PTP4A2: variants seen among roughly 807,000 people sequenced by gnomAD.
PTP4A2 encodes protein tyrosine phosphatase type IVA 2.
A neutral mutation model predicts 22.9 loss-of-function variants in PTP4A2; 2 were observed. That is an observed-to-expected ratio of 0.09 (90% CI 0.04 to 0.27). The LOEUF (loss-of-function observed/expected upper bound fraction) is 0.27. PTP4A2 is among the 10% of genes least tolerant of loss of function. The pLI, the probability that PTP4A2 is intolerant of heterozygous loss-of-function variation, is 1.00. For missense variants in PTP4A2, 103 were observed against 205.1 expected, an observed-to-expected ratio of 0.50 and a Z score of 3.04; for synonymous variants, 68 against 69.1, an observed-to-expected ratio of 0.98 and a Z score of 0.08.
chr1:31,915,758 T>G, intron 3 of PTP4A2, 137 bp downstream of exon 3: 1 of 607,660 alleles, frequency 1.6e-6, no homozygotes, highest in Non-Finnish European at 2.9e-6. Context: ...CAGGCTGGTC[T>G]TGAACTCCTG....
intron 1 of PTP4A2, among the ~76,000 whole-genome samples, chr1:31,922,205 C>T (rs190493550): frequency 3.9e-5 from 6 of 152,196 alleles, no homozygotes; most frequent in Admixed American, 3.3e-4. Context: ...AAAAAGTTGG[C>T]CGGGCGTGAT....
intron 2 of PTP4A2, among the ~76,000 whole-genome samples, chr1:31,916,524 C>T (rs535516556): frequency 1.0e-3 from 155 of 152,088 alleles, no homozygotes; most frequent in African/African-American, 3.6e-3. Flanking sequence ...GGTAGCATAA[C>T]GTGAAAACTT....
intron 5 of PTP4A2, among the ~76,000 whole-genome samples, chr1:31,909,614 G>A (rs146646895): frequency 0.052 from 7,908 of 151,698 alleles, 703 homozygotes; most frequent in African/African-American, 0.18. Context: ...AGAGGTTGCA[G>A]TGAGCCGAGA....
At chr1:31,926,180 T>G (rs959750289) in intron 1 of PTP4A2, among the ~76,000 whole-genome samples, 3 of 148,218 alleles carry the variant, frequency 2.0e-5, no homozygotes, top group Non-Finnish European at 4.5e-5. Context: ...TTATCTCTCC[T>G]ATCAATCCAC....
intron 1 of PTP4A2, among the ~76,000 whole-genome samples, chr1:31,925,759 C>CAA (rs67546696): frequency 8.1e-5 from 11 of 136,026 alleles, no homozygotes; most frequent in African/African-American, 2.1e-4. Context: ...GACTCCATCT[C>CAA]AAAAAAAAAA....
intron 1 of PTP4A2, among the ~76,000 whole-genome samples, chr1:31,927,289 G>A (rs537591673): frequency 1.3e-5 from 2 of 152,266 alleles, no homozygotes; most frequent in South Asian, 2.1e-4. Flanking sequence ...ACTTATAAGT[G>A]GGAGCTAAAC....
intron 1 of PTP4A2, among the ~76,000 whole-genome samples, chr1:31,931,331 A>G (rs976792394): frequency 6.6e-6 from 1 of 152,232 alleles, no homozygotes. Context: ...GTGACTTGAG[A>G]AAGGTGCTTA....
chr1:31,909,037 C>G, intron 5 of PTP4A2, 77 bp from the exon 6 acceptor site: 1 of 1,037,448 alleles, frequency 9.6e-7, no homozygotes, highest in Non-Finnish European at 1.5e-6. Context: ...TATTTACATC[C>G]TAAAGCCTTT....
intron 3 of PTP4A2, chr1:31,914,522 T>C (rs1651724457): frequency 3.6e-6 from 1 of 278,566 alleles, no homozygotes; most frequent in Non-Finnish European, 7.3e-6. Flanking sequence ...ACCAATATAA[T>C]AAAGACTACA....
At chr1:31,935,283 C>T (rs1652886291) in intron 1 of PTP4A2, among the ~76,000 whole-genome samples, 1 of 152,132 alleles carries the variant, frequency 6.6e-6, no homozygotes, top group Admixed American at 6.6e-5. Context: ...AAGCACACAC[C>T]CCGGGGCCCC....
At position 31,914,872 on chromosome 1, in the gene PTP4A2, A is replaced by G. The variant is rs183060371; in HGVS notation, c.189+1023T>C. Among the ~76,000 whole-genome samples, 333 of 152,358 alleles carry G rather than the reference A, an allele frequency of 2.2e-3. 1 individual carries two copies. The South Asian group carries it at 0.023, about 11-fold the overall frequency. On this transcript the variant is annotated intron_variant, in intron 3 of 5. Transcript: ENST00000647444. ...TTTGTGCTCAAATTGAGCTAGACAA[A>G]AAATCTAATCATACTAAAGCTCCTC... is the stretch of plus-strand genomic sequence containing the variant.
Position 31,906,786 on chromosome 1 carries a change from A to ACACC in PTP4A2, c.*2065_*2066insGGTG, listed in dbSNP as rs1449697376. ...CACACACACACACACACACACACAC[A>ACACC]CCCCCTCCCCCCAAACAACAAAATT... On this transcript the variant is annotated 3_prime_UTR_variant, in exon 6 of 6. Transcript: ENST00000647444. 133 of 82,902 alleles carry ACACC rather than the reference A, an allele frequency of 1.6e-3. 1 individual carries two copies. The highest frequency in any genetic ancestry group is 5.0e-3 in the African/African-American group (115 of 22,880). 5.1% of individuals were successfully genotyped at this position (82,902 alleles called of 1,614,324 possible). A position where few individuals can be genotyped will look rare whatever the true frequency, so the allele number is the denominator to read the frequency against.
intron 1 of PTP4A2, among the ~76,000 whole-genome samples, chr1:31,935,234 A>T (rs1385511503): frequency 6.6e-6 from 1 of 152,134 alleles, no homozygotes; most frequent in Non-Finnish European, 1.5e-5. Context: ...GACTTCCCTC[A>T]CGCAGACATA....
chr1:31,915,628 C>T (rs2124170003), intron 3 of PTP4A2: 1 of 252,864 alleles, frequency 4.0e-6, no homozygotes, highest in East Asian at 7.2e-5. Flanking sequence ...CAGTCTCAAC[C>T]ACCTGGGCTC....
chr1:31,915,767 T>C (rs1032702045), intron 3 of PTP4A2, 128 bp downstream of exon 3: 3 of 627,300 alleles, frequency 4.8e-6, no homozygotes, highest in Non-Finnish European at 8.2e-6. Context: ...CTTGAACTCC[T>C]GGGTTCAAGT....
intron 1 of PTP4A2, among the ~76,000 whole-genome samples, chr1:31,935,062 A>T (rs138876972): frequency 1.6e-4 from 25 of 152,370 alleles, no homozygotes; most frequent in Non-Finnish European, 2.6e-4. Flanking sequence ...AAGTGCTTTC[A>T]CGTGTATTTT....
intron 1 of PTP4A2, among the ~76,000 whole-genome samples, chr1:31,922,524 A>C (rs1444861397): frequency 6.6e-6 from 1 of 152,188 alleles, no homozygotes; most frequent in African/African-American, 2.4e-5. Context: ...AGAGAGGTTA[A>C]AATGGCTTAA....
At chr1:31,917,844 C>T (rs954560978) in intron 2 of PTP4A2, among the ~76,000 whole-genome samples, 1 of 149,762 alleles carries the variant, frequency 6.7e-6, no homozygotes, top group Non-Finnish European at 1.5e-5. Flanking sequence ...TGTGGTGGCG[C>T]GCGCCTGTAG....
intron 1 of PTP4A2, among the ~76,000 whole-genome samples, chr1:31,930,260 C>T (rs908100811): frequency 1.3e-5 from 2 of 152,052 alleles, no homozygotes; most frequent in Non-Finnish European, 2.9e-5. Flanking sequence ...ATGGCGTGAA[C>T]CCCGGGGGGG....
Sources: gnomAD v4.1 joint callset for allele counts (sites outside exome capture counted in the v4.1 genomes callset) on GRCh38, gnomAD v4.1.1 for gene constraint, MANE v1.5 for transcripts, NCBI Gene and HGNC (gene_info 2026-07-23, HGNC 2026-07-21) for gene names.